APOB: variants seen among roughly 807,000 people sequenced by gnomAD.
APOB encodes apolipoprotein B.
APOB carries 153 observed loss-of-function variants against 314.1 expected under a neutral mutation model. The ratio of observed to expected loss-of-function variants is 0.49; its 90% CI spans 0.43 to 0.56. APOB has a LOEUF of 0.56. Ranked by LOEUF, APOB falls within the 20% of genes least tolerant of loss-of-function variation. The pLI is 0.00. For missense variants in APOB, 5,430 were observed against 5,350.7 expected, an observed-to-expected ratio of 1.01 and a Z score of -0.46; for synonymous variants, 2,087 against 2,036.4, an observed-to-expected ratio of 1.02 and a Z score of -0.67.
chr2:21,016,573 A>T lies in APOB; in HGVS notation c.3198T>A (p.Ile1066=). 6.2e-7 allele frequency: 1 copy of T among 1,612,002 alleles called. No homozygotes were observed. Among genetic ancestry groups the T allele is most frequent in the Non-Finnish European group, 8.5e-7 (1 of 1,178,108 alleles). Residue 1066 remains isoleucine, a synonymous_variant, in exon 21 of 29, where the codon ATT becomes ATA. Coordinates refer to ENST00000233242, the MANE Select transcript of APOB (RefSeq NM_000384.3). ...QSMTLSSEVQ[I]PDFDVDLGTI... Reference sequence around the variant, plus strand: ...TTCCGAGGTCAACATCAAAATCCGGAATTTGGACTTCACTGGACAAGGTCA... The same window carrying T: ...TTCCGAGGTCAACATCAAAATCCGGTATTTGGACTTCACTGGACAAGGTCA...
intron 15 of APOB, among the ~76,000 whole-genome samples, chr2:21,026,552 G>A (rs1316150366): frequency 6.6e-6 from 1 of 152,022 alleles, no homozygotes; most frequent in Admixed American, 6.5e-5. Context: ...CCAGCCCAGA[G>A]TTCATACTCT....
In APOB at chr2:21,007,153, G is replaced by A. The variant is rs755547544; in HGVS notation, c.9715C>T (p.His3239Tyr). 3 of 1,613,964 alleles carry A rather than the reference G, an allele frequency of 1.9e-6. No individual in the cohort carries two copies. ...TGAAAGGTCCTGGGGAGCTCGTCGT[G>A]AGATTTTTCAGCTTTGTACTTATCA... The part of the protein sequence containing the change: ...KFDKYKAEKS[H>Y]DELPRTFQIP... Residue 3239 changes from histidine (H) to tyrosine (Y), a missense_variant, in exon 26 of 29, where the codon CAC becomes TAC. By Grantham distance (83) the His-to-Tyr change is moderately conservative (BLOSUM62 2). This residue lies in a region of APOB where 3,281 missense variants were observed against 3,171.0 expected (regional missense o/e 1.03). Coordinates refer to ENST00000233242, the MANE Select transcript of APOB (RefSeq NM_000384.3).
Position 21,038,084 on chromosome 2 carries a change from T to G in APOB, c.411A>C (p.Glu137Asp). The G allele has an allele frequency of 6.2e-7, 1 of 1,614,170 alleles. No homozygotes were observed. The highest frequency in any genetic ancestry group is 1.1e-5 in the South Asian group (1 of 91,072). The change falls in exon 5 of 29, where the codon GAA (glutamate) becomes GAC (aspartate). Residue 137 changes from glutamate to aspartate, a missense_variant. Glu to Asp is a conservative substitution (Grantham distance 45). Transcript: ENST00000233242. ...CCGGGTAAAGGAAAACCTGCTTCCCTTCTGGAATGGCCAGCTTGAGCTCAT... is the reference window on the plus strand; with the variant it reads ...CCGGGTAAAGGAAAACCTGCTTCCCGTCTGGAATGGCCAGCTTGAGCTCAT... ...SRYELKLAIP[E>D]GKQVFLYPEK...
At chr2:21,026,989 A>G in intron 14 of APOB, 25 bp from the exon 15 acceptor site, 1 of 1,613,534 alleles carries the variant, frequency 6.2e-7, no homozygotes, top group South Asian at 1.1e-5. Context: ...CAGACAAGAA[A>G]ATGGCATCAG....
rs1288960248 is a variant in APOB at position 21,010,989 on chromosome 2, A to G, written c.5879T>C (p.Ile1960Thr). The G allele has an allele frequency of 6.2e-7, 1 of 1,614,192 alleles. No homozygotes were observed. Among genetic ancestry groups the G allele is most frequent in the Admixed American group, 1.7e-5 (1 of 60,028 alleles). ...GACTTTGTGTTCAAGAGCTGCACTG[A>G]TGCTTTTCCTAGACACGAGATGATG... ...TSHHLVSRKSISAALEHKVSA... is the reference protein window; with the variant it reads ...TSHHLVSRKSTSAALEHKVSA... The change falls in exon 26 of 29, where the codon ATC (isoleucine) becomes ACC (threonine). Residue 1960 changes from isoleucine (I) to threonine (T), a missense_variant. Physicochemically the swap from Ile to Thr is moderately conservative, Grantham distance 89. Around this residue, in one of 3 missense-constraint regions of APOB, gnomAD observed 3,281 missense variants for 3,171.0 expected, o/e 1.03. Transcript: ENST00000233242.
intron 5 of APOB, 66 bp from the exon 6 acceptor site, chr2:21,037,321 G>GA: frequency 2.1e-6 from 3 of 1,418,386 alleles, no homozygotes; most frequent in South Asian, 2.4e-5. Context: ...ACTTGGGAGG[G>GA]ATGGGGTGGG....
rs370268044 is a variant in APOB, at chr2:21,033,270, T to C, written c.1124+29A>G. ...GTTCAGTCAGTTACCATCAGTTTTA[T>C]AAAAAGTTGAGCTGTAACCATTAGA... On this transcript the variant is annotated intron_variant, in intron 9 of 28. Coordinates refer to ENST00000233242, the MANE Select transcript of APOB (RefSeq NM_000384.3). 6.3e-6 allele frequency: 10 copies of C among 1,579,226 alleles called. No homozygotes were observed. In the African/African-American group the frequency reaches 6.7e-5, roughly 11 times the overall value.
At position 21,001,619 on chromosome 2, in the gene APOB, G is replaced by A; in HGVS notation, c.*111C>T. 9.2e-7 allele frequency: 1 copy of A among 1,082,868 alleles called. No homozygotes were observed. 67.1% of individuals were successfully genotyped at this position (1,082,868 alleles called of 1,614,324 possible). On this transcript the variant is annotated 3_prime_UTR_variant, in exon 29 of 29. Coordinates refer to ENST00000233242, the MANE Select transcript of APOB (RefSeq NM_000384.3). ...TTCTGCTTATAGTCTACTGCCTACT[G>A]CAAGGCTGGCTCACTGTATGGTTTT...
chr2:21,039,236 C>T (rs1194823624), intron 4 of APOB, among the ~76,000 whole-genome samples: 2 of 152,344 alleles, frequency 1.3e-5, no homozygotes, highest in Admixed American at 1.3e-4. Flanking sequence ...CACTGGCCTG[C>T]CAGCAACAGG....
Position 21,008,191 on chromosome 2 carries a change from A to G in APOB, c.8677T>C (p.Leu2893=). The change falls in exon 26 of 29, where the codon TTG becomes CTG. Residue 2893 remains leucine, a synonymous_variant. Transcript: ENST00000233242. ...GAGAAGTCCAGTTTGGGGATGTTCA[A>G]TTTGTGGAAGTATTTAGTGTTGCTA... ...LDSNTKYFHK[L]NIPKLDFSSQ... The G allele has an allele frequency of 6.2e-7, 1 of 1,614,038 alleles. No individual in the cohort carries two copies.
rs1220807435 is a variant in APOB at position 21,016,514 on chromosome 2, C to T, written c.3257G>A (p.Gly1086Asp). 2.5e-6 allele frequency: 4 copies of T among 1,609,586 alleles called. No homozygotes were observed. Among genetic ancestry groups the T allele is most frequent in the Non-Finnish European group, 3.4e-6 (4 of 1,175,972 alleles). Residue 1086 changes from glycine (G) to aspartate (D), a missense_variant, in exon 21 of 29, where the codon GGC (glycine) becomes GAC (aspartate). Coordinates refer to ENST00000233242, the MANE Select transcript of APOB (RefSeq NM_000384.3). Reference protein sequence around the residue: ...ILRVNDESTEGKTSYRLTLDI... With the variant: ...ILRVNDESTEDKTSYRLTLDI... ...CAGGGTGAGTCTGTAAGACGTTTTGCCCTCAGTAGATTCATCATTAACTCT... is the reference window on the plus strand; with the variant it reads ...CAGGGTGAGTCTGTAAGACGTTTTGTCCTCAGTAGATTCATCATTAACTCT...
chr2:21,026,455 G>A (rs913240507), intron 15 of APOB, among the ~76,000 whole-genome samples: 6 of 151,866 alleles, frequency 4.0e-5, no homozygotes, highest in African/African-American at 7.3e-5. Context: ...TCAGTATGTT[G>A]GCCAGGCTGG....
At chr2:21,013,871 G>A (rs530221013) in intron 24 of APOB, among the ~76,000 whole-genome samples, 12 of 152,194 alleles carry the variant, frequency 7.9e-5, no homozygotes, top group African/African-American at 2.9e-4. Context: ...CTCATTTGTT[G>A]ATGTCTCCAT....
At chr2:21,037,724 T>C (rs1664041482) in intron 5 of APOB, among the ~76,000 whole-genome samples, 1 of 152,146 alleles carries the variant, frequency 6.6e-6, no homozygotes, top group South Asian at 2.1e-4. Context: ...CCAGGACTCC[T>C]CAATGACTGT....
At chr2:21,043,704 A>C (rs1054318945) in intron 1 of APOB, among the ~76,000 whole-genome samples, 153 bp from the exon 2 acceptor site, 3 of 151,594 alleles carry the variant, frequency 2.0e-5, no homozygotes, top group Non-Finnish European at 4.4e-5. Flanking sequence ...CGCGCCCCCC[A>C]TCCTGAGCCT....
rs570383610 is a variant in APOB, at chr2:21,011,700, C to A, written c.5168G>T (p.Ser1723Ile). Reference sequence around the variant, plus strand: ...GACCTTGAAGTTGAAAATGTTTTTGCTGTCGACACCCAGAATCATGGCCTG... The same window carrying A: ...GACCTTGAAGTTGAAAATGTTTTTGATGTCGACACCCAGAATCATGGCCTG... ...AYQAMILGVD[S>I]KNIFNFKVSQ... Residue 1723 changes from serine (S) to isoleucine (I), a missense_variant, in exon 26 of 29, where the codon AGC becomes ATC. By Grantham distance (142) the Ser-to-Ile change is moderately radical. Coordinates refer to ENST00000233242, the MANE Select transcript of APOB (RefSeq NM_000384.3). The A allele has an allele frequency of 2.5e-6, 4 of 1,614,150 alleles. No homozygotes were observed. The South Asian group carries it at 4.4e-5, about 18-fold the overall frequency.
rs1386840203 is a variant in APOB at position 21,038,024 on chromosome 2, C to G, written c.471G>C (p.Lys157Asn). 1 of 1,614,198 alleles carries G rather than the reference C, an allele frequency of 6.2e-7. No individual in the cohort carries two copies. The highest frequency in any genetic ancestry group is 8.5e-7 in the Non-Finnish European group (1 of 1,180,036). ...KDEPTYILNI[K>N]RGIISALLVP... ...CCAGGAGGGCAGAAATGATGCCCCT[C>G]TTGATGTTCAGGATGTAAGTAGGTT... The change falls in exon 5 of 29, where the codon AAG (lysine) becomes AAC (asparagine). Residue 157 changes from lysine (K) to asparagine (N), a missense_variant. Coordinates refer to ENST00000233242, the MANE Select transcript of APOB (RefSeq NM_000384.3).
chr2:21,026,894 T>C lies in APOB; in HGVS notation c.2138A>G (p.Asp713Gly). ...CCAGTACAAAGCTTTGTTGACACTGTCTGGGAAAAATCCTTGCTTCCCAAA... is the reference window on the plus strand; with the variant it reads ...CCAGTACAAAGCTTTGTTGACACTGCCTGGGAAAAATCCTTGCTTCCCAAA... ...ALFGKQGFFP[D>G]SVNKALYWVN... is the part of the protein sequence containing the mutation. Residue 713 changes from aspartate (D) to glycine (G), a missense_variant, in exon 15 of 29, where the codon GAC becomes GGC. Transcript: ENST00000233242. 2 of 1,614,184 alleles carry C rather than the reference T, an allele frequency of 1.2e-6. No homozygotes were observed. Among genetic ancestry groups the C allele is most frequent in the Non-Finnish European group, 1.7e-6 (2 of 1,180,028 alleles).
intron 17 of APOB, among the ~76,000 whole-genome samples, chr2:21,023,256 G>A (rs947253466): frequency 8.5e-5 from 13 of 152,130 alleles, no homozygotes; most frequent in African/African-American, 1.7e-4. Context: ...CTGAGTTAAC[G>A]TGAGGCAAAA....
Sources: allele counts gnomAD v4.1 joint callset (sites outside exome capture counted in the v4.1 genomes callset), GRCh38; gene constraint gnomAD v4.1.1; regional missense constraint gnomAD v4.1.1; transcripts MANE v1.5; gene names NCBI Gene and HGNC (gene_info 2026-07-23, HGNC 2026-07-21).